The following ZMYM4 variants were observed in gnomAD, a reference collection of about 807,000 sequenced individuals.
ZMYM4 encodes the protein zinc finger MYM-type containing 4.
Under a neutral mutation model 183.2 loss-of-function variants are expected in ZMYM4, and 31 were observed. That is an observed-to-expected ratio of 0.17 (90% confidence interval 0.13 to 0.23). The LOEUF (loss-of-function observed/expected upper bound fraction) is 0.23, where lower values mean the gene tolerates loss of function less well. Ranked by LOEUF, ZMYM4 falls within the 10% of genes least tolerant of loss-of-function variation. ZMYM4 has a pLI of 1.00. For synonymous variants in ZMYM4, 592 were observed against 631.2 expected, an observed-to-expected ratio of 0.94 and a Z score of 0.93; for missense variants, 1,273 against 1,840.3, an observed-to-expected ratio of 0.69 and a Z score of 5.64.
At chr1:35,364,196 G>T (rs1330402469) in intron 5 of ZMYM4, among the ~76,000 whole-genome samples, 1 of 152,102 alleles carries the variant, frequency 6.6e-6, no homozygotes. Flanking sequence ...TTCCCCAAAG[G>T]CTTACTCCCT....
chr1:35,361,891 G>A lies in ZMYM4; in HGVS notation c.840+102G>A, dbSNP rs1424121084. ...AGAAGTGAAATAGTTTGTTGACAGG[G>A]TGAAAGGAAACTCTTAAAGAAGGTT... is the stretch of plus-strand genomic sequence containing the variant. On this transcript the variant is annotated intron_variant, in intron 5 of 29. Coordinates refer to ENST00000314607, the MANE Select transcript of ZMYM4 (RefSeq NM_005095.3). 6 of 1,435,352 alleles carry A rather than the reference G, an allele frequency of 4.2e-6. No individual in the cohort carries two copies. The South Asian group carries it at 4.5e-5, about 11-fold the overall frequency. 88.9% of individuals were successfully genotyped at this position (1,435,352 alleles called of 1,614,324 possible). A position where few individuals can be genotyped will look rare whatever the true frequency, so the allele number is the denominator to read the frequency against.
At chr1:35,344,131 G>A (rs1031115238) in intron 2 of ZMYM4, among the ~76,000 whole-genome samples, 1 of 151,052 alleles carries the variant, frequency 6.6e-6, no homozygotes, top group African/African-American at 2.4e-5. Flanking sequence ...TGGGCTCACT[G>A]CAACCTCTAC....
intron 1 of ZMYM4, among the ~76,000 whole-genome samples, chr1:35,271,255 T>C (rs1487683115): frequency 1.3e-5 from 2 of 152,180 alleles, no homozygotes; most frequent in Non-Finnish European, 2.9e-5. Flanking sequence ...AAAACATTGA[T>C]GTGTGTTGAC....
In ZMYM4 at chr1:35,354,727, T is replaced by TAAAAAAAAA. The variant is rs57493035; in HGVS notation, c.86-4177_86-4169dup. Among the ~76,000 whole-genome samples the TAAAAAAAAA allele has an allele frequency of 4.2e-4, 35 of 84,026 alleles. 1 individual carries two copies. The highest frequency in any genetic ancestry group is 1.7e-3 in the African/African-American group (29 of 17,160). 55.1% of individuals were successfully genotyped at this position (84,026 alleles called of 152,430 possible). On this transcript the variant is annotated intron_variant, in intron 2 of 29. Coordinates refer to ENST00000314607, the MANE Select transcript of ZMYM4 (RefSeq NM_005095.3). ...GGGCGACAGAGTGAAACTTTGTCTT[T>TAAAAAAAAA]AAAAAAAAAAAAAAAAAAAAAAAAA...
At chr1:35,383,121 T>C (rs1644502043) in intron 9 of ZMYM4, among the ~76,000 whole-genome samples, 1 of 152,212 alleles carries the variant, frequency 6.6e-6, no homozygotes, top group Non-Finnish European at 1.5e-5. Flanking sequence ...ATGAACTCTA[T>C]AACAAATGTC....
At chr1:35,269,892 C>G (rs1456095537) in intron 1 of ZMYM4, among the ~76,000 whole-genome samples, 1 of 152,212 alleles carries the variant, frequency 6.6e-6, no homozygotes, top group African/African-American at 2.4e-5. Context: ...ATATCCCTCA[C>G]TTTTCTTTTA....
chr1:35,415,783 C>T, intron 28 of ZMYM4, 69 bp downstream of exon 28: 1 of 1,544,322 alleles, frequency 6.5e-7, no homozygotes, highest in Non-Finnish European at 8.7e-7. Flanking sequence ...AGAGTTACTG[C>T]AGAAAGGTAA....
intron 2 of ZMYM4, chr1:35,351,752 A>G: frequency 2.8e-6 from 1 of 357,126 alleles, no homozygotes; most frequent in Non-Finnish European, 5.1e-6. Flanking sequence ...ATATTTATTT[A>G]TATGATAGTT....
At chr1:35,341,525 G>T (rs1643200413) in intron 2 of ZMYM4, among the ~76,000 whole-genome samples, 1 of 150,800 alleles carries the variant, frequency 6.6e-6, no homozygotes, top group African/African-American at 2.4e-5. Flanking sequence ...TTTTTATATT[G>T]AAAAACTTTT....
chr1:35,355,331 G>A (rs946377774), intron 2 of ZMYM4, among the ~76,000 whole-genome samples: 4 of 150,958 alleles, frequency 2.6e-5, no homozygotes, highest in East Asian at 2.0e-4. Flanking sequence ...ACAGGCGTGA[G>A]CCACCGCACC....
chr1:35,345,233 C>T (rs193063770), intron 2 of ZMYM4, among the ~76,000 whole-genome samples: 97 of 152,226 alleles, frequency 6.4e-4, no homozygotes, highest in African/African-American at 2.0e-3. Context: ...TCAAGTGTCA[C>T]GTGGCTACTG....
intron 23 of ZMYM4, among the ~76,000 whole-genome samples, chr1:35,402,040 A>C (rs914330701): frequency 2.0e-5 from 3 of 151,772 alleles, no homozygotes; most frequent in African/African-American, 7.3e-5. Context: ...AAGAGTGTAA[A>C]TCTTCCAGCT....
intron 1 of ZMYM4, among the ~76,000 whole-genome samples, chr1:35,295,044 A>G (rs1227598780): frequency 1.3e-5 from 2 of 152,240 alleles, no homozygotes; most frequent in East Asian, 3.8e-4. Context: ...GAACCATTGT[A>G]GGTACGGAGG....
chr1:35,359,718 C>T (rs1369420430), intron 3 of ZMYM4, among the ~76,000 whole-genome samples: 2 of 152,064 alleles, frequency 1.3e-5, no homozygotes, highest in Admixed American at 6.6e-5. Flanking sequence ...ACTTGAATCA[C>T]CTGTTCATTT....
intron 23 of ZMYM4, 118 bp downstream of exon 23, chr1:35,399,694 T>A: frequency 9.9e-7 from 1 of 1,013,116 alleles, no homozygotes. Context: ...ACATGTTGTT[T>A]TGCAACTTTT....
intron 23 of ZMYM4, chr1:35,400,211 T>TTC (rs1644881633): frequency 7.1e-6 from 1 of 141,566 alleles, no homozygotes; most frequent in African/African-American, 2.6e-5. Flanking sequence ...TTTTTTTTTT[T>TTC]TTTTTTTTGA....
At chr1:35,272,154 A>C (rs776532646) in intron 1 of ZMYM4, among the ~76,000 whole-genome samples, 5 of 152,192 alleles carry the variant, frequency 3.3e-5, no homozygotes, top group Admixed American at 6.5e-5. Flanking sequence ...GGGACTATGC[A>C]GTACCATGTC....
chr1:35,405,498 A>T (rs749675815), intron 25 of ZMYM4, 30 bp downstream of exon 25: 1 of 1,470,620 alleles, frequency 6.8e-7, no homozygotes, highest in Non-Finnish European at 9.3e-7. Flanking sequence ...ATTTGGTATG[A>T]ATTATTTATA....
chr1:35,299,449 T>G (rs993478516), intron 1 of ZMYM4, among the ~76,000 whole-genome samples: 6 of 152,180 alleles, frequency 3.9e-5, no homozygotes, highest in African/African-American at 9.7e-5. Context: ...ATTACAGAAT[T>G]TTCTGGGGTT....
Sources: gnomAD v4.1 joint callset for allele counts (sites outside exome capture counted in the v4.1 genomes callset) on GRCh38, gnomAD v4.1.1 for gene constraint, MANE v1.5 for transcripts, NCBI Gene and HGNC (gene_info 2026-07-23, HGNC 2026-07-21) for gene names.